Variants in PARD3B observed in about 807,000 individuals in gnomAD.
The protein encoded by PARD3B is par-3 family cell polarity regulator beta, also known as partitioning defective 3 homolog B.
A neutral mutation model predicts 130.2 loss-of-function variants in PARD3B; 103 were observed. The observed-to-expected ratio is 0.79, with a 90% CI of 0.67 to 0.93. PARD3B has a LOEUF of 0.93. PARD3B is among the 40% of genes least tolerant of loss of function. The pLI is 0.00. For missense variants in PARD3B, 1,609 were observed against 1,499.2 expected, an observed-to-expected ratio of 1.07 and a Z score of -1.21; for synonymous variants, 583 against 553.2, an observed-to-expected ratio of 1.05 and a Z score of -0.76.
chr2:205,478,449 C>A (rs2106280648), intron 20 of PARD3B, among the ~76,000 whole-genome samples: 1 of 152,302 alleles, frequency 6.6e-6, no homozygotes, highest in South Asian at 2.1e-4. Flanking sequence ...GCTGGATGGA[C>A]TTCCTGGGCA....
chr2:205,384,364 A>G (rs1178173069), intron 18 of PARD3B, among the ~76,000 whole-genome samples: 2 of 152,146 alleles, frequency 1.3e-5, no homozygotes, highest in Admixed American at 1.3e-4. Flanking sequence ...GGGGAAGCAC[A>G]GGCTGTGGGT....
At chr2:204,959,746 T>C (rs889837011) in intron 2 of PARD3B, among the ~76,000 whole-genome samples, 1 of 152,240 alleles carries the variant, frequency 6.6e-6, no homozygotes, top group African/African-American at 2.4e-5. Flanking sequence ...TTTCAGATGT[T>C]CCTTTCAGAT....
intron 15 of PARD3B, among the ~76,000 whole-genome samples, chr2:205,214,923 TGTGGTCACAAA>T (rs1559550268): frequency 6.6e-6 from 1 of 152,200 alleles, no homozygotes; most frequent in East Asian, 1.9e-4. Flanking sequence ...ATATTGAAAA[TGTGGTCACAAA>T]GTCATTTAAG....
Position 205,158,460 on chromosome 2 carries a change from C to T in PARD3B, c.1435-262C>T, listed in dbSNP as rs1254695595. On this transcript the variant is annotated intron_variant, in intron 10 of 22. Transcript: ENST00000406610. This position sits in a 1 kb window ranked among gnomAD's most constrained non-coding sequence, Gnocchi z 5.4. ...AAGGCTTGCGAGGTGTTTCAGATTG[C>T]ATCGCTCTGACTTGCCAAACGATCC... Among the ~76,000 whole-genome samples the T allele has an allele frequency of 6.6e-6, 1 of 152,134 alleles. No individual in the cohort carries two copies. Among genetic ancestry groups the T allele is most frequent in the East Asian group, 1.9e-4 (1 of 5,176 alleles).
At chr2:205,016,548 C>T (rs569022643) in intron 3 of PARD3B, among the ~76,000 whole-genome samples, 18 of 152,214 alleles carry the variant, frequency 1.2e-4, no homozygotes, top group African/African-American at 4.1e-4. Context: ...TCCAAGGAAA[C>T]GTTAAGCAGA....
At chr2:204,693,724 A>C (rs1359151647) in intron 2 of PARD3B, among the ~76,000 whole-genome samples, 1 of 152,070 alleles carries the variant, frequency 6.6e-6, no homozygotes, top group Non-Finnish European at 1.5e-5. Flanking sequence ...CTTCAACCGC[A>C]GTGGTGGCGA....
intron 1 of PARD3B, among the ~76,000 whole-genome samples, chr2:204,635,235 C>T (rs1205399094): frequency 6.6e-6 from 1 of 152,068 alleles, no homozygotes; most frequent in Non-Finnish European, 1.5e-5. Context: ...TGTACTTTTC[C>T]TCCCCCGGAC....
intron 1 of PARD3B, among the ~76,000 whole-genome samples, chr2:204,590,327 C>CTAATATGTTGAAATA (rs1377474788): frequency 2.0e-5 from 3 of 152,182 alleles, no homozygotes; most frequent in Non-Finnish European, 2.9e-5. Flanking sequence ...CTAATACATC[C>CTAATATGTTGAAATA]CATTTGGGAT....
intron 2 of PARD3B, among the ~76,000 whole-genome samples, chr2:204,812,240 T>A (rs1487470942): frequency 6.6e-6 from 1 of 152,208 alleles, no homozygotes; most frequent in Non-Finnish European, 1.5e-5. Flanking sequence ...TGTATGGATA[T>A]ACCACGGTTT....
chr2:204,961,309 C>T (rs938844442), intron 2 of PARD3B, among the ~76,000 whole-genome samples: 7 of 151,854 alleles, frequency 4.6e-5, no homozygotes, highest in Admixed American at 1.3e-4. Flanking sequence ...GTAGCTGGGT[C>T]CAAAGTGGTG....
chr2:205,618,693 CAGG>C lies in PARD3B; in HGVS notation c.*2883_*2885del, dbSNP rs1446307507. 6.6e-6 allele frequency: 1 copy of C among 152,008 alleles called. No homozygotes were observed. The highest frequency in any genetic ancestry group is 1.5e-5 in the Non-Finnish European group (1 of 68,002). 9.4% of individuals were successfully genotyped at this position (152,008 alleles called of 1,614,324 possible). A position where few individuals can be genotyped will look rare whatever the true frequency, so the allele number is the denominator to read the frequency against. On this transcript the variant is annotated 3_prime_UTR_variant, in exon 23 of 23. Coordinates refer to ENST00000406610, the MANE Select transcript of PARD3B (RefSeq NM_001302769.2). Reference sequence around the variant, plus strand: ...GAAGCCCTATTTTTCTCCCTTTTTGCAGGAGTAGAGAGATGAAAGAGGACAGAC... The same window carrying C: ...GAAGCCCTATTTTTCTCCCTTTTTGCAGTAGAGAGATGAAAGAGGACAGAC...
In PARD3B at chr2:205,121,579, C is replaced by G; in HGVS notation, c.807-12C>G. 1.2e-6 allele frequency: 2 copies of G among 1,607,604 alleles called. No individual in the cohort carries two copies. Among genetic ancestry groups the G allele is most frequent in the Non-Finnish European group, 1.7e-6 (2 of 1,175,188 alleles). ...AGCAGGGTCATCATACATTTATCAA[C>G]TTTCTTTCCAGGGCTCAAGATGTCT... On this transcript the variant is annotated splice_polypyrimidine_tract_variant and intron_variant, in intron 7 of 22. Transcript: ENST00000406610. This position sits in a 1 kb window ranked among gnomAD's most constrained non-coding sequence, Gnocchi z 5.0.
At position 204,965,207 on chromosome 2, in the gene PARD3B, G is replaced by A. The variant is rs763413055; in HGVS notation, c.278G>A (p.Gly93Glu). ...EPLHKIESPSGNPADRQSPDA... is the reference protein window; with the variant it reads ...EPLHKIESPSENPADRQSPDA... ...CTCCACAAGATTGAGAGCCCCAGTG[G>A]AAACCCTGCAGATCGGCAGAGCCCA... The change falls in exon 3 of 23, where the codon GGA becomes GAA. Residue 93 changes from glycine to glutamate, a missense_variant. Transcript: ENST00000406610. 1.9e-6 allele frequency: 3 copies of A among 1,613,962 alleles called. No individual in the cohort carries two copies. The South Asian group carries it at 3.3e-5, about 18-fold the overall frequency.
intron 1 of PARD3B, among the ~76,000 whole-genome samples, chr2:204,666,450 T>C (rs1267111326): frequency 2.0e-5 from 3 of 152,112 alleles, no homozygotes; most frequent in Non-Finnish European, 4.4e-5. Flanking sequence ...TATGTCACTA[T>C]AGGAAGGGCA....
intron 19 of PARD3B, among the ~76,000 whole-genome samples, chr2:205,416,481 G>A (rs1385873813): frequency 4.6e-5 from 7 of 152,118 alleles, no homozygotes; most frequent in Non-Finnish European, 7.4e-5. Flanking sequence ...CAAGAAAAAT[G>A]TTGGGGGTAA....
chr2:205,566,062 G>T (rs1458236009), intron 22 of PARD3B, among the ~76,000 whole-genome samples: 1 of 152,206 alleles, frequency 6.6e-6, no homozygotes, highest in Non-Finnish European at 1.5e-5. Flanking sequence ...AGCACACGCA[G>T]AGGCCTTGTG....
intron 20 of PARD3B, among the ~76,000 whole-genome samples, chr2:205,453,318 A>G (rs2048166214): frequency 6.6e-6 from 1 of 152,178 alleles, no homozygotes; most frequent in Non-Finnish European, 1.5e-5. Flanking sequence ...GAAACCACAT[A>G]TATTAGAAGA....
At chr2:205,150,824 T>A (rs1014920146) in intron 10 of PARD3B, among the ~76,000 whole-genome samples, 1 of 151,892 alleles carries the variant, frequency 6.6e-6, no homozygotes, top group African/African-American at 2.4e-5. Flanking sequence ...ACTCACAGAG[T>A]AGAATGGTGG....
intron 16 of PARD3B, among the ~76,000 whole-genome samples, chr2:205,298,014 T>A (rs1337139179): frequency 6.6e-6 from 1 of 152,228 alleles, no homozygotes; most frequent in Non-Finnish European, 1.5e-5. Context: ...TTGCTGAGCT[T>A]CACATGAGCT....
Sources: allele counts gnomAD v4.1 joint callset (sites outside exome capture counted in the v4.1 genomes callset), GRCh38; gene constraint gnomAD v4.1.1; non-coding constraint Gnocchi (gnomAD v3.1); transcripts MANE v1.5; gene names NCBI Gene and HGNC (gene_info 2026-07-23, HGNC 2026-07-21).